Variants in CEACAM4 observed in about 807,000 individuals in gnomAD.
The protein encoded by CEACAM4 is CEA cell adhesion molecule 4, also known as cell adhesion molecule CEACAM4.
A neutral mutation model predicts 28.7 loss-of-function variants in CEACAM4; 30 were observed. That is an observed-to-expected ratio of 1.05 (90% CI 0.78 to 1.42). The LOEUF (loss-of-function observed/expected upper bound fraction) is 1.42. Among genes scored for constraint, CEACAM4 ranks in the 40% most tolerant of loss-of-function variants. The probability of loss-of-function intolerance (pLI) is 0.00; values close to 1 mark genes in which losing one functional copy is unlikely to be tolerated. For synonymous variants in CEACAM4, 143 were observed against 126.5 expected, an observed-to-expected ratio of 1.13 and a Z score of -0.87; for missense variants, 330 against 308.2, an observed-to-expected ratio of 1.07 and a Z score of -0.53.
At chr19:41,620,322 G>C (rs782144651) in intron 4 of CEACAM4, 80 bp from the exon 5 acceptor site, 277 of 1,269,704 alleles carry the variant, frequency 2.2e-4, no homozygotes, top group Non-Finnish European at 2.9e-4. Flanking sequence ...GGGGTCCTCA[G>C]CTCCCAGAGA....
chr19:41,621,706 C>T lies in CEACAM4; in HGVS notation c.487G>A (p.Gly163Arg), dbSNP rs782210982. The change falls in exon 3 of 7, where the codon GGG becomes AGG. Residue 163 changes from glycine (G) to arginine (R), a missense_variant. Transcript: ENST00000221954. ...ACCAGGGCGGCCACCAGAGCCACCCCAACCAGGACCCCAGTCACGATGCCA... is the reference window on the plus strand; with the variant it reads ...ACCAGGGCGGCCACCAGAGCCACCCTAACCAGGACCCCAGTCACGATGCCA... The part of the protein sequence containing the change: ...VAGIVTGVLV[G>R]VALVAALVCF... The T allele has an allele frequency of 3.7e-6, 6 of 1,613,412 alleles. No homozygotes were observed. The highest frequency in any genetic ancestry group is 2.2e-5 in the South Asian group (2 of 91,056).
At chr19:41,626,385 G>GT (rs1413410010) in intron 1 of CEACAM4, among the ~76,000 whole-genome samples, 2 of 152,140 alleles carry the variant, frequency 1.3e-5, no homozygotes, top group African/African-American at 4.8e-5. Flanking sequence ...CTCTTTAGGT[G>GT]TTTGTCTTCC....
chr19:41,616,506 TAGATA>T (rs2070985423), downstream of CEACAM4, among the ~76,000 whole-genome samples: 1 of 144,094 alleles, frequency 6.9e-6, no homozygotes, highest in African/African-American at 2.5e-5. Flanking sequence ...GATAGATAGA[TAGATA>T]GATAGATAGA....
chr19:41,625,424 A>G lies in CEACAM4; in HGVS notation c.424+177T>C. 6.6e-6 allele frequency: 5 copies of G among 761,324 alleles called. No individual in the cohort carries two copies. In the Admixed American group the frequency reaches 1.0e-4, roughly 16 times the overall value. The allele number at this position is 761,324 out of a possible 1,614,324, so 47.2% of individuals were successfully genotyped here. A position where few individuals can be genotyped will look rare whatever the true frequency, so the allele number is the denominator to read the frequency against. Reference sequence around the variant, plus strand: ...AGTGTCTGCAGGGCCTGGATGCAGGAAAGGAATTCTGATCTGTTGAAGTTT... The same window carrying G: ...AGTGTCTGCAGGGCCTGGATGCAGGGAAGGAATTCTGATCTGTTGAAGTTT... On this transcript the variant is annotated intron_variant, in intron 2 of 6. Coordinates refer to ENST00000221954, the MANE Select transcript of CEACAM4 (RefSeq NM_001817.4).
intron 2 of CEACAM4, among the ~76,000 whole-genome samples, chr19:41,625,297 C>A (rs1228400557): frequency 1.3e-5 from 2 of 152,154 alleles, no homozygotes; most frequent in East Asian, 3.9e-4. Context: ...GGCCCTGACC[C>A]AGTTCTCCAG....
chr19:41,622,495 T>G (rs1186808112), intron 2 of CEACAM4, among the ~76,000 whole-genome samples: 1 of 152,148 alleles, frequency 6.6e-6, no homozygotes, highest in African/African-American at 2.4e-5. Flanking sequence ...GTCTTCCATG[T>G]GCCAGGCACA....
At chr19:41,626,847 A>G (rs2071696691) in intron 1 of CEACAM4, 53 bp downstream of exon 1, 1 of 1,518,652 alleles carries the variant, frequency 6.6e-7, no homozygotes, top group Non-Finnish European at 9.1e-7. Context: ...AAGAGACCCC[A>G]GTCAGTCTCT....
At position 41,619,639 on chromosome 19, in the gene CEACAM4, C is replaced by T. The variant is rs368963829; in HGVS notation, c.669+31G>A. 18 of 1,581,668 alleles carry T rather than the reference C, an allele frequency of 1.1e-5. No individual in the cohort carries two copies. In the African/African-American group the frequency reaches 1.2e-4, roughly 11 times the overall value. ...CAGATCCTGGGTCCCCTGGAGCCTG[C>T]GGGACCAGAACATCCATGGCCCACA... On this transcript the variant is annotated intron_variant, in intron 6 of 6. Coordinates refer to ENST00000221954, the MANE Select transcript of CEACAM4 (RefSeq NM_001817.4).
In CEACAM4 at chr19:41,621,662, G is replaced by A. The variant is rs902175662; in HGVS notation, c.531C>T (p.Ser177=). 1 of 1,597,026 alleles carries A rather than the reference G, an allele frequency of 6.3e-7. No homozygotes were observed. Residue 177 remains serine (S), a synonymous_variant, in exon 3 of 7, where the codon TCC becomes TCT. Transcript: ENST00000221954. ...VAALVCFLLL[S]RTGRASIQRD... ...AAAAGCTGCGGTACCTTCCAGTCCT[G>A]GAGAGAAGCAGAAAACACACCAGGG...
At chr19:41,616,773 T>C (rs2070989889), downstream of CEACAM4, among the ~76,000 whole-genome samples, 2 of 151,976 alleles carry the variant, frequency 1.3e-5, no homozygotes, top group Non-Finnish European at 2.9e-5. Context: ...ATGGATGTGC[T>C]TCAAAGGTCA....
chr19:41,626,879 C>T, intron 1 of CEACAM4, 21 bp downstream of exon 1: 1 of 1,609,530 alleles, frequency 6.2e-7, no homozygotes, highest in Non-Finnish European at 8.5e-7. Context: ...TCCCACCACT[C>T]CCAGAGAGTC....
rs1056548616 is a variant in CEACAM4 at position 41,619,039 on chromosome 19, A to G, written c.*291T>C. ...ATGAGAGGAAGGGTCCTCTTTATTCAGATCCTTTCCTGGTGACCCCGGGTG... is the reference window on the plus strand; with the variant it reads ...ATGAGAGGAAGGGTCCTCTTTATTCGGATCCTTTCCTGGTGACCCCGGGTG... On this transcript the variant is annotated 3_prime_UTR_variant, in exon 7 of 7. Coordinates refer to ENST00000221954, the MANE Select transcript of CEACAM4 (RefSeq NM_001817.4). 32 of 460,078 alleles carry G rather than the reference A, an allele frequency of 7.0e-5. No homozygotes were observed. The highest frequency in any genetic ancestry group is 9.2e-5 in the Non-Finnish European group (24 of 261,244). The allele number at this position is 460,078 out of a possible 1,614,324, so 28.5% of individuals were successfully genotyped here. A position where few individuals can be genotyped will look rare whatever the true frequency, so the allele number is the denominator to read the frequency against.
downstream of CEACAM4, among the ~76,000 whole-genome samples, chr19:41,617,142 A>T (rs116264496): frequency 6.6e-6 from 1 of 152,136 alleles, no homozygotes; most frequent in Non-Finnish European, 1.5e-5. Flanking sequence ...AATTAGCCTC[A>T]CTGAGTCACT....
Position 41,625,771 on chromosome 19 carries a change from T to C in CEACAM4, c.254A>G (p.Asp85Gly). Residue 85 changes from aspartate to glycine, a missense_variant, in exon 2 of 7, where the codon GAC becomes GGC. Coordinates refer to ENST00000221954, the MANE Select transcript of CEACAM4 (RefSeq NM_001817.4). Reference sequence around the variant, plus strand: ...GGCCCCTGGGATATTTGCTTGAATGTCTGTTATATAACCAGCAATGAGAGG... The same window carrying C: ...GGCCCCTGGGATATTTGCTTGAATGCCTGTTATATAACCAGCAATGAGAGG... ...GSPLIAGYIT[D>G]IQANIPGAAY... 1.9e-6 allele frequency: 3 copies of C among 1,614,026 alleles called. No individual in the cohort carries two copies.
At chr19:41,626,010 T>C in intron 1 of CEACAM4, 50 bp from the exon 2 acceptor site, 1 of 1,550,442 alleles carries the variant, frequency 6.4e-7, no homozygotes, top group Non-Finnish European at 8.7e-7. Flanking sequence ...TGGAGTGGGA[T>C]GGAAAGATAA....
chr19:41,618,308 G>C (rs1295855706), downstream of CEACAM4, among the ~76,000 whole-genome samples: 1 of 152,166 alleles, frequency 6.6e-6, no homozygotes, highest in Non-Finnish European at 1.5e-5. Flanking sequence ...GAGTTGGCTT[G>C]CTCAGTGAGA....
chr19:41,621,447 G>A (rs540453215), intron 3 of CEACAM4, among the ~76,000 whole-genome samples: 46 of 148,422 alleles, frequency 3.1e-4, no homozygotes, highest in Non-Finnish European at 6.0e-5. Flanking sequence ...ACAGCACTCA[G>A]GGGTGCAACC....
In CEACAM4 at chr19:41,619,694, G is replaced by T. The variant is rs1555800353; in HGVS notation, c.645C>A (p.Pro215=). The T allele has an allele frequency of 6.3e-7, 1 of 1,591,862 alleles. No individual in the cohort carries two copies. The highest frequency in any genetic ancestry group is 2.3e-5 in the East Asian group (1 of 44,100). The change falls in exon 6 of 7, where the codon CCC becomes CCA. Residue 215 remains proline (P), a synonymous_variant. Transcript: ENST00000221954. ...RSTFSAPLPS[P]RTATPIYEEL... ...CCTCATAGATGGGAGTGGCTGTTCT[G>T]GGGCTGGGTAGAGGGGCCTGGGCAG...
At chr19:41,613,958 A>G in the CEACAM4 span, among the ~76,000 whole-genome samples, 1 of 152,228 alleles carries the variant, frequency 6.6e-6, no homozygotes, top group African/African-American at 2.4e-5. Flanking sequence ...AATACTTTCG[A>G]TGCATTCTTA....
Sources: allele counts gnomAD v4.1 joint callset (sites outside exome capture counted in the v4.1 genomes callset), GRCh38; gene constraint gnomAD v4.1.1; transcripts MANE v1.5; gene names NCBI Gene and HGNC (gene_info 2026-07-23, HGNC 2026-07-21).